The following CACNA2D3 variants were observed in gnomAD, a reference collection of about 807,000 sequenced individuals.
CACNA2D3 encodes the protein voltage-dependent calcium channel subunit alpha-2/delta-3.
A neutral mutation model predicts 160.6 loss-of-function variants in CACNA2D3; 60 were observed. The ratio of observed to expected loss-of-function variants is 0.37; its 90% CI spans 0.30 to 0.46. The LOEUF (loss-of-function observed/expected upper bound fraction) is 0.46. Ranked by LOEUF, CACNA2D3 falls within the 20% of genes least tolerant of loss-of-function variation. The pLI, the probability that CACNA2D3 is intolerant of heterozygous loss-of-function variation, is 1.00. For missense variants in CACNA2D3, 1,205 were observed against 1,365.0 expected, an observed-to-expected ratio of 0.88 and a Z score of 1.85; for synonymous variants, 558 against 492.9, an observed-to-expected ratio of 1.13 and a Z score of -1.75.
At chr3:54,838,710 A>T (rs957464909) in intron 16 of CACNA2D3, 62 bp downstream of exon 16, 2 of 1,266,118 alleles carry the variant, frequency 1.6e-6, no homozygotes, top group African/African-American at 2.9e-5. Context: ...TTGTTTTCAC[A>T]AAGTTCAGGC....
intron 26 of CACNA2D3, among the ~76,000 whole-genome samples, chr3:54,898,089 T>TCTTC (rs569564874): frequency 2.6e-4 from 31 of 121,082 alleles, no homozygotes; most frequent in Admixed American, 7.7e-4. Context: ...TTGCTTGCTT[T>TCTTC]CTTCCTTCCT....
At chr3:54,764,129 A>G (rs1226493066) in intron 12 of CACNA2D3, 89 bp from the exon 13 acceptor site, 7 of 1,410,926 alleles carry the variant, frequency 5.0e-6, no homozygotes, top group East Asian at 2.3e-5. Context: ...GAAACTAGCT[A>G]GAGGGCAAGA....
intron 5 of CACNA2D3, among the ~76,000 whole-genome samples, chr3:54,533,437 C>T (rs906375930): frequency 1.2e-4 from 17 of 145,770 alleles, no homozygotes; most frequent in African/African-American, 4.1e-4. Context: ...CAGGTTCAAG[C>T]GATTCTCTTG....
intron 2 of CACNA2D3, among the ~76,000 whole-genome samples, chr3:54,215,010 C>A (rs566225326): frequency 1.3e-5 from 2 of 152,126 alleles, no homozygotes; most frequent in Non-Finnish European, 2.9e-5. Context: ...ATCTTCCAGG[C>A]GTCAGTCAGC....
chr3:54,364,395 A>T (rs907029189), intron 3 of CACNA2D3, among the ~76,000 whole-genome samples: 2 of 152,234 alleles, frequency 1.3e-5, no homozygotes, highest in African/African-American at 4.8e-5. Flanking sequence ...TTAATTTGAT[A>T]GTTTGAAAAA....
intron 3 of CACNA2D3, among the ~76,000 whole-genome samples, chr3:54,362,657 A>G (rs769850027): frequency 2.6e-5 from 4 of 152,206 alleles, no homozygotes; most frequent in African/African-American, 9.6e-5. Flanking sequence ...TCACAAATCC[A>G]GTGCCGACAA....
rs1269972790 is a variant in CACNA2D3 at position 54,399,975 on chromosome 3, G to C, written c.381+13201G>C. ...AGATTCCGTGGGCGTAGGACCCTCTGAGCCAGGTGTGGGATATAGTCTCGT... is the reference window on the plus strand; with the variant it reads ...AGATTCCGTGGGCGTAGGACCCTCTCAGCCAGGTGTGGGATATAGTCTCGT... On this transcript the variant is annotated intron_variant, in intron 4 of 37. Coordinates refer to ENST00000474759, the MANE Select transcript of CACNA2D3 (RefSeq NM_018398.3). Among the ~76,000 whole-genome samples, 13 of 118,392 alleles carry C rather than the reference G, an allele frequency of 1.1e-4. 1 individual carries two copies. The highest frequency in any genetic ancestry group is 3.7e-4 in the Admixed American group (4 of 10,934). The allele number at this position is 118,392 out of a possible 152,430, so 77.7% of individuals were successfully genotyped here. A position where few individuals can be genotyped will look rare whatever the true frequency, so the allele number is the denominator to read the frequency against.
chr3:54,613,021 CCACATT>C (rs944723184), intron 9 of CACNA2D3, among the ~76,000 whole-genome samples: 16 of 152,164 alleles, frequency 1.1e-4, no homozygotes, highest in African/African-American at 3.9e-4. Flanking sequence ...AGCATCCTGG[CCACATT>C]CACAGGTGGA....
chr3:54,603,208 A>G (rs908763086), intron 9 of CACNA2D3, among the ~76,000 whole-genome samples: 3 of 152,236 alleles, frequency 2.0e-5, no homozygotes, highest in African/African-American at 7.2e-5. Context: ...CCCGCCCGGC[A>G]GGAAGAGCCA....
intron 4 of CACNA2D3, among the ~76,000 whole-genome samples, chr3:54,430,861 T>A (rs1699979610): frequency 1.3e-5 from 2 of 152,210 alleles, no homozygotes; most frequent in South Asian, 4.1e-4. Flanking sequence ...CGCTGACTCC[T>A]GCACAGTAAA....
intron 4 of CACNA2D3, among the ~76,000 whole-genome samples, chr3:54,388,610 A>T (rs918729835): frequency 6.6e-6 from 1 of 152,232 alleles, no homozygotes; most frequent in Non-Finnish European, 1.5e-5. Context: ...AGCTGCTGAG[A>T]AGGGACAGAA....
intron 2 of CACNA2D3, among the ~76,000 whole-genome samples, chr3:54,204,895 T>A (rs2107354192): frequency 7.0e-6 from 1 of 142,296 alleles, no homozygotes; most frequent in Non-Finnish European, 1.5e-5. Context: ...TCCTCAAAGA[T>A]GAAAGAATAT....
chr3:54,285,680 C>G (rs878938121), intron 2 of CACNA2D3, among the ~76,000 whole-genome samples: 9 of 152,204 alleles, frequency 5.9e-5, no homozygotes, highest in South Asian at 2.1e-4. Context: ...AGGCACCCCC[C>G]AGTAGGGGCA....
chr3:54,990,585 A>C (rs1457711423), intron 31 of CACNA2D3, among the ~76,000 whole-genome samples: 1 of 152,136 alleles, frequency 6.6e-6, no homozygotes, highest in Non-Finnish European at 1.5e-5. Context: ...GAACTCCACA[A>C]ACCATCTTCT....
intron 2 of CACNA2D3, among the ~76,000 whole-genome samples, chr3:54,156,496 G>A (rs2107290247): frequency 6.6e-6 from 1 of 152,332 alleles, no homozygotes; most frequent in East Asian, 1.9e-4. Flanking sequence ...TACACCCGTA[G>A]TGCCTATTGG....
chr3:54,371,660 G>A (rs1354319673), intron 3 of CACNA2D3, among the ~76,000 whole-genome samples: 1 of 152,024 alleles, frequency 6.6e-6, no homozygotes, highest in Admixed American at 6.6e-5. Context: ...TGATCTATTT[G>A]TACTCATTTA....
intron 2 of CACNA2D3, among the ~76,000 whole-genome samples, chr3:54,307,021 T>C (rs1196262271): frequency 1.3e-5 from 2 of 152,012 alleles, no homozygotes; most frequent in Non-Finnish European, 2.9e-5. Context: ...GCTGACTTCT[T>C]AGGATGGGAT....
At chr3:54,566,355 C>T (rs1367763876) in intron 6 of CACNA2D3, among the ~76,000 whole-genome samples, 2 of 152,162 alleles carry the variant, frequency 1.3e-5, no homozygotes, top group African/African-American at 2.4e-5. Flanking sequence ...GTTCTCCAGG[C>T]TCCCCATCTC....
intron 10 of CACNA2D3, among the ~76,000 whole-genome samples, chr3:54,630,081 G>A (rs781486121): frequency 6.6e-6 from 1 of 152,154 alleles, no homozygotes; most frequent in Non-Finnish European, 1.5e-5. Context: ...AGCTTTCTTA[G>A]TGTAATCTTG....
Sources: gnomAD v4.1 joint callset for allele counts (sites outside exome capture counted in the v4.1 genomes callset) on GRCh38, gnomAD v4.1.1 for gene constraint, MANE v1.5 for transcripts, NCBI Gene and HGNC (gene_info 2026-07-23, HGNC 2026-07-21) for gene names.